The following NAA25 variants were observed in gnomAD, a reference collection of about 807,000 sequenced individuals.
NAA25 encodes the protein N-terminal acetyltransferase B complex subunit NAA25.
NAA25 carries 30 observed loss-of-function variants against 132.5 expected under a neutral mutation model. The ratio of observed to expected loss-of-function variants is 0.23; its 90% CI spans 0.17 to 0.31. The LOEUF (loss-of-function observed/expected upper bound fraction) is 0.31, where lower values mean the gene tolerates loss of function less well. NAA25 is among the 10% of genes least tolerant of loss of function. NAA25 has a pLI of 1.00. For synonymous variants in NAA25, 359 were observed against 401.9 expected (o/e 0.89, Z 1.28); for missense variants, 771 against 1,150.4 (o/e 0.67, Z 4.77).
intron 11 of NAA25, among the ~76,000 whole-genome samples, chr12:112,064,721 CA>C (rs1477597710): frequency 1.3e-5 from 2 of 151,990 alleles, no homozygotes; most frequent in African/African-American, 4.8e-5. Flanking sequence ...TACTGCTGTG[CA>C]AAAAATTTCT....
chr12:112,100,614 CTTTTTTTT>C (rs71083200), intron 1 of NAA25, among the ~76,000 whole-genome samples: 1 of 100,624 alleles, frequency 9.9e-6, no homozygotes, highest in Non-Finnish European at 1.9e-5. Context: ...ATTCCATTGT[CTTTTTTTT>C]TTTTTTTTTT....
Position 112,042,121 on chromosome 12 carries a change from A to G in NAA25, c.2375-17T>C, listed in dbSNP as rs2078308653. The G allele has an allele frequency of 1.5e-6, 2 of 1,309,842 alleles. No homozygotes were observed. Among genetic ancestry groups the G allele is most frequent in the African/African-American group, 3.1e-5 (2 of 64,452 alleles). 81.1% of individuals were successfully genotyped at this position (1,309,842 alleles called of 1,614,324 possible). Reference sequence around the variant, plus strand: ...TTGTATCCTCTAAAATTGAAAAACAAAAAATGAAAAACTTTCAATTCTATT... The same window carrying G: ...TTGTATCCTCTAAAATTGAAAAACAGAAAATGAAAAACTTTCAATTCTATT... On this transcript the variant is annotated splice_polypyrimidine_tract_variant and intron_variant, in intron 19 of 23. Coordinates refer to ENST00000261745, the MANE Select transcript of NAA25 (RefSeq NM_024953.4).
At chr12:112,068,217 C>CA (rs1345201871) in intron 11 of NAA25, among the ~76,000 whole-genome samples, 2 of 151,970 alleles carry the variant, frequency 1.3e-5, no homozygotes, top group Non-Finnish European at 2.9e-5. Flanking sequence ...ACTTCACATT[C>CA]AAAAAATGAC....
At chr12:112,031,889 T>C (rs2078154151) in intron 23 of NAA25, among the ~76,000 whole-genome samples, 1 of 151,780 alleles carries the variant, frequency 6.6e-6, no homozygotes, top group Non-Finnish European at 1.5e-5. Flanking sequence ...CCACTCTTCA[T>C]TAAAGAAAGC....
At chr12:112,090,634 A>G in intron 3 of NAA25, 92 bp downstream of exon 3, 1 of 1,344,728 alleles carries the variant, frequency 7.4e-7, no homozygotes, top group Non-Finnish European at 1.0e-6. Context: ...ATCCATTCAA[A>G]TCATGAGTGA....
intron 1 of NAA25, among the ~76,000 whole-genome samples, chr12:112,105,145 T>A (rs533890264): frequency 6.6e-6 from 1 of 150,788 alleles, no homozygotes; most frequent in Admixed American, 6.6e-5. Flanking sequence ...CATGGTGAAA[T>A]GCTGTCTCTA....
At chr12:112,102,564 T>C (rs1302121187) in intron 1 of NAA25, among the ~76,000 whole-genome samples, 3 of 152,194 alleles carry the variant, frequency 2.0e-5, no homozygotes, top group African/African-American at 2.4e-5. Flanking sequence ...GACAGCAGAA[T>C]AGTTTTTTGT....
chr12:112,035,788 C>T (rs1851960755), intron 22 of NAA25, among the ~76,000 whole-genome samples: 1 of 151,762 alleles, frequency 6.6e-6, no homozygotes, highest in South Asian at 2.1e-4. Context: ...GGTGATCCTC[C>T]TGCTTCAGCC....
At chr12:112,083,658 T>C (rs925394536) in intron 4 of NAA25, among the ~76,000 whole-genome samples, 2 of 152,132 alleles carry the variant, frequency 1.3e-5, no homozygotes, top group African/African-American at 2.4e-5. Context: ...ACTCCACAGG[T>C]ATAAAATGAA....
At chr12:112,072,454 A>G (rs939277662) in intron 9 of NAA25, among the ~76,000 whole-genome samples, 1 of 151,834 alleles carries the variant, frequency 6.6e-6, no homozygotes, top group Admixed American at 6.6e-5. Context: ...CTAAAAGTAT[A>G]AAAAACTAGT....
chr12:112,057,191 AAAGT>A (rs1173602031), intron 13 of NAA25, among the ~76,000 whole-genome samples: 10 of 152,320 alleles, frequency 6.6e-5, no homozygotes, highest in African/African-American at 2.4e-4. Flanking sequence ...CCATCTCAAA[AAAGT>A]AAAATAAGAT....
At chr12:112,048,234 G>A in intron 16 of NAA25, 58 bp downstream of exon 16, 1 of 1,518,696 alleles carries the variant, frequency 6.6e-7, no homozygotes, top group Non-Finnish European at 9.0e-7. Flanking sequence ...GCCCATTAAT[G>A]GCTCTTAACA....
At chr12:112,085,888 T>C (rs1241615610) in intron 4 of NAA25, among the ~76,000 whole-genome samples, 1 of 148,808 alleles carries the variant, frequency 6.7e-6, no homozygotes, top group African/African-American at 2.5e-5. Flanking sequence ...TGTGGTGACA[T>C]GTGCCTGTAG....
chr12:112,085,893 C>G (rs1318818184), intron 4 of NAA25, among the ~76,000 whole-genome samples: 1 of 148,632 alleles, frequency 6.7e-6, no homozygotes, highest in Non-Finnish European at 1.5e-5. Context: ...TGACATGTGC[C>G]TGTAGTCCCA....
At chr12:112,078,049 A>G in intron 7 of NAA25, 139 bp downstream of exon 7, 1 of 626,364 alleles carries the variant, frequency 1.6e-6, no homozygotes, top group Non-Finnish European at 2.8e-6. Flanking sequence ...TACAACATAC[A>G]GAAAAGTCTG....
intron 13 of NAA25, among the ~76,000 whole-genome samples, chr12:112,057,563 A>T (rs2078565459): frequency 1.3e-5 from 2 of 152,192 alleles, no homozygotes; most frequent in Non-Finnish European, 2.9e-5. Flanking sequence ...ATAGTGTCAG[A>T]AGTATTACTG....
chr12:112,029,385 C>A lies in NAA25; in HGVS notation c.*146G>T. Reference sequence around the variant, plus strand: ...TTTAATCAGTTGTATATATTTAACACCTAAAAAAATTCACGATCAAAGTCC... The same window carrying A: ...TTTAATCAGTTGTATATATTTAACAACTAAAAAAATTCACGATCAAAGTCC... On this transcript the variant is annotated 3_prime_UTR_variant, in exon 24 of 24. Coordinates refer to ENST00000261745, the MANE Select transcript of NAA25 (RefSeq NM_024953.4). The A allele has an allele frequency of 7.7e-7, 1 of 1,291,998 alleles. No homozygotes were observed. The highest frequency in any genetic ancestry group is 1.1e-6 in the Non-Finnish European group (1 of 940,928). 80.0% of individuals were successfully genotyped at this position (1,291,998 alleles called of 1,614,324 possible).
chr12:112,101,383 T>C (rs1016798469), intron 1 of NAA25, among the ~76,000 whole-genome samples: 13 of 152,064 alleles, frequency 8.5e-5, no homozygotes, highest in African/African-American at 2.9e-4. Flanking sequence ...TCAATAAATG[T>C]TGAATGAAGG....
At chr12:112,034,628 AAAC>A (rs57168073) in intron 22 of NAA25, 195 of 151,316 alleles carry the variant, frequency 1.3e-3, no homozygotes, top group Non-Finnish European at 1.6e-3. Flanking sequence ...TCCGTCTCAA[AAAC>A]AACAACAACA....
Sources: allele counts gnomAD v4.1 joint callset (sites outside exome capture counted in the v4.1 genomes callset), GRCh38; gene constraint gnomAD v4.1.1; transcripts MANE v1.5; gene names NCBI Gene and HGNC (gene_info 2026-07-23, HGNC 2026-07-21).